SDHA: variants seen among roughly 807,000 people sequenced by gnomAD.
SDHA encodes succinate dehydrogenase [ubiquinone] flavoprotein subunit, mitochondrial.
In SDHA, 48 loss-of-function variants were observed where a neutral mutation model predicts 78.4. The ratio of observed to expected loss-of-function variants is 0.61; its 90% confidence interval spans 0.49 to 0.78. The LOEUF (loss-of-function observed/expected upper bound fraction) is 0.78. SDHA is among the 30% of genes least tolerant of loss of function. The pLI is 0.00. For missense variants in SDHA, 680 were observed against 892.7 expected, an observed-to-expected ratio of 0.76 and a Z score of 3.04; for synonymous variants, 326 against 353.9, an observed-to-expected ratio of 0.92 and a Z score of 0.88.
intron 1 of SDHA, among the ~76,000 whole-genome samples, chr5:220,836 A>G (rs1239906030): frequency 5.0e-5 from 5 of 99,366 alleles, no homozygotes; most frequent in African/African-American, 4.0e-4. Flanking sequence ...TTTTTGAGAC[A>G]GAGTCTCACT....
intron 6 of SDHA, 23 bp downstream of exon 6, chr5:228,356 A>G (rs775912212): frequency 1.3e-5 from 21 of 1,606,064 alleles, no homozygotes; most frequent in Non-Finnish European, 1.7e-5. Context: ...TTTCTACTTT[A>G]TTTTGTTTAT....
At chr5:246,213 A>G (rs1736441197) in intron 11 of SDHA, among the ~76,000 whole-genome samples, 1 of 152,192 alleles carries the variant, frequency 6.6e-6, no homozygotes, top group African/African-American at 2.4e-5. Context: ...GCCCAAATAA[A>G]TAGAATCAAT....
chr5:257,559 C>T (rs1737285656), downstream of SDHA, among the ~76,000 whole-genome samples: 1 of 129,086 alleles, frequency 7.7e-6, no homozygotes, highest in East Asian at 2.2e-4. Flanking sequence ...CCTGCCAGAG[C>T]ATTACTGTGT....
chr5:224,248 G>A, intron 2 of SDHA, 112 bp from the exon 3 acceptor site: 4 of 1,163,836 alleles, frequency 3.4e-6, no homozygotes, highest in Non-Finnish European at 5.2e-6. Flanking sequence ...TGGAGGCCCT[G>A]TGTGCCCAGC....
chr5:266,762 G>GTAAGATATTCAGACCCTC, the SDHA span, among the ~76,000 whole-genome samples: 1 of 152,236 alleles, frequency 6.6e-6, no homozygotes, highest in Non-Finnish European at 1.5e-5. Context: ...TAGACACCGT[G>GTAAGATATTCAGACCCTC]GCCGCTGTGT....
rs1404639088 is a variant in SDHA at position 236,434 on chromosome 5, A to C, written c.1267A>C (p.Arg423=). Residue 423 remains arginine, a synonymous_variant, in exon 10 of 15, where the codon AGG becomes CGG. Coordinates refer to ENST00000264932, the MANE Select transcript of SDHA (RefSeq NM_004168.4). ...GAAATCTTCCTTTCCACAGGTCCTG[A>C]GGCACGTGAATGGCCAGGATCAGAT... ...IPTNYKGQVL[R]HVNGQDQIVP... The C allele has an allele frequency of 6.2e-7, 1 of 1,613,636 alleles. No individual in the cohort carries two copies. Among genetic ancestry groups the C allele is most frequent in the Non-Finnish European group, 8.5e-7 (1 of 1,179,706 alleles).
rs1060505003 is a variant in SDHA at position 235,348 on chromosome 5, G to A, written c.1260+9G>A. ...CCAACTACAAGGGGCAGGTGATGGT[G>A]CTGGCTCCTCCCCCACAGCTGGAAA... On this transcript the variant is annotated intron_variant, in intron 9 of 14. Transcript: ENST00000264932. The A allele has an allele frequency of 6.2e-7, 1 of 1,614,062 alleles. No homozygotes were observed. The highest frequency in any genetic ancestry group is 1.1e-5 in the South Asian group (1 of 91,090).
At chr5:242,123 G>T (rs545316118) in intron 11 of SDHA, among the ~76,000 whole-genome samples, 2 of 152,330 alleles carry the variant, frequency 1.3e-5, no homozygotes, top group East Asian at 1.9e-4. Context: ...AATGCGTTCC[G>T]TTGGGGAAGG....
At chr5:222,015 T>C (rs1248076550) in intron 1 of SDHA, among the ~76,000 whole-genome samples, 2 of 152,152 alleles carry the variant, frequency 1.3e-5, no homozygotes, top group Non-Finnish European at 2.9e-5. Context: ...TTACTGGTGC[T>C]ATTACTATGT....
At chr5:235,095 C>T (rs768134328) in intron 8 of SDHA, 49 bp from the exon 9 acceptor site, 2 of 1,569,278 alleles carry the variant, frequency 1.3e-6, no homozygotes, top group African/African-American at 1.3e-5. Context: ...TCTCAGGTCT[C>T]CTGCCGTTGC....
intron 6 of SDHA, among the ~76,000 whole-genome samples, chr5:229,908 G>A (rs531220885): frequency 1.3e-5 from 2 of 150,386 alleles, no homozygotes; most frequent in African/African-American, 4.9e-5. Context: ...GGTGGCCAGA[G>A]TTAACATTAT....
chr5:225,565 G>C lies in SDHA; in HGVS notation c.456+3G>C. On this transcript the variant is annotated splice_donor_region_variant and intron_variant, in intron 4 of 14. Coordinates refer to ENST00000264932, the MANE Select transcript of SDHA (RefSeq NM_004168.4). ...AGGCCCCCGCCGCCGTGGTCGAGGT[G>C]ATGGGCGGGAGGCTCTGGGTGTTCT... 3.1e-6 allele frequency: 5 copies of C among 1,613,912 alleles called. No homozygotes were observed. Among genetic ancestry groups the C allele is most frequent in the Non-Finnish European group, 4.2e-6 (5 of 1,179,838 alleles).
chr5:241,905 G>C (rs1361644969), intron 11 of SDHA, among the ~76,000 whole-genome samples: 1 of 152,236 alleles, frequency 6.6e-6, no homozygotes, highest in Non-Finnish European at 1.5e-5. Flanking sequence ...TTGTAGGGTT[G>C]GAGGCCAGCT....
intron 11 of SDHA, among the ~76,000 whole-genome samples, chr5:242,457 T>G (rs988042106): frequency 3.3e-5 from 5 of 152,254 alleles, no homozygotes; most frequent in Non-Finnish European, 7.3e-5. Context: ...TTGTTTCCCG[T>G]AAGGAATACT....
chr5:262,151 G>T, the SDHA span, among the ~76,000 whole-genome samples: 1 of 97,396 alleles, frequency 1.0e-5, no homozygotes, highest in Admixed American at 9.7e-5. Flanking sequence ...TGTGAGCTCC[G>T]CCTCCCGTCA....
In SDHA at chr5:225,341, C is replaced by A. The variant is rs1023347173; in HGVS notation, c.313-78C>A. On this transcript the variant is annotated intron_variant, in intron 3 of 14. Transcript: ENST00000264932. The stretch of plus-strand genomic sequence containing the variant: ...AGTAGTTGGCTTTCTCTGAATCCCC[C>A]CAGCGGGTGGATTTGGGCCTGGAAG... 1.9e-6 allele frequency: 3 copies of A among 1,594,772 alleles called. No individual in the cohort carries two copies. In the African/African-American group the frequency reaches 4.0e-5, roughly 21 times the overall value.
the SDHA span, among the ~76,000 whole-genome samples, chr5:266,698 C>T: frequency 0.13 from 16,028 of 122,248 alleles, 1,203 homozygotes; most frequent in African/African-American, 0.34. Flanking sequence ...ATTCCTAACA[C>T]GGATCAAAGG....
rs567220373 is a variant in SDHA at position 251,163 on chromosome 5, G to C, written c.1663+60G>C. On this transcript the variant is annotated intron_variant, in intron 12 of 14. Coordinates refer to ENST00000264932, the MANE Select transcript of SDHA (RefSeq NM_004168.4). ...GCCCTTCCTTCTGCAGGGTGGGCTG[G>C]TGTCTGTCCCGTCAGTGCTGACTTA... is the stretch of plus-strand genomic sequence containing the variant. 3.8e-6 allele frequency: 6 copies of C among 1,576,676 alleles called. No homozygotes were observed. In the Admixed American group the frequency reaches 1.0e-4, roughly 26 times the overall value.
In SDHA at chr5:236,299, C is replaced by A. The variant is rs1165194623; in HGVS notation, c.1261-129C>A. 13 of 901,530 alleles carry A rather than the reference C, an allele frequency of 1.4e-5. No individual in the cohort carries two copies. In the East Asian group the frequency reaches 3.0e-4, roughly 21 times the overall value. The allele number at this position is 901,530 out of a possible 1,614,324, so 55.8% of individuals were successfully genotyped here. ...TCAGCCTCCCAAAGTGCTGAGATTA[C>A]AGGCGTGAGCCACCACGCCTGGCCT... On this transcript the variant is annotated intron_variant, in intron 9 of 14. Coordinates refer to ENST00000264932, the MANE Select transcript of SDHA (RefSeq NM_004168.4).
Sources: gnomAD v4.1 joint callset for allele counts (sites outside exome capture counted in the v4.1 genomes callset) on GRCh38, gnomAD v4.1.1 for gene constraint, MANE v1.5 for transcripts, NCBI Gene and HGNC (gene_info 2026-07-23, HGNC 2026-07-21) for gene names.